The following SMOC2 variants were observed in gnomAD, a reference collection of about 807,000 sequenced individuals.
SMOC2 encodes SPARC related modular calcium binding 2, also known as SPARC-related modular calcium-binding protein 2.
A neutral mutation model predicts 61.4 loss-of-function variants in SMOC2; 39 were observed. The ratio of observed to expected loss-of-function variants is 0.64; its 90% CI spans 0.49 to 0.83. The LOEUF (loss-of-function observed/expected upper bound fraction) is 0.83. SMOC2 is among the 40% of genes least tolerant of loss of function. The pLI is 0.00. For synonymous variants in SMOC2, 247 were observed against 239.9 expected (o/e 1.03, Z -0.27); for missense variants, 556 against 592.9 (o/e 0.94, Z 0.65).
chr6:168,534,736 T>C (rs1024620678), intron 4 of SMOC2, among the ~76,000 whole-genome samples: 1 of 152,336 alleles, frequency 6.6e-6, no homozygotes, highest in Admixed American at 6.5e-5. Flanking sequence ...TACTTTAGTG[T>C]ACATTTAATT....
intron 1 of SMOC2, among the ~76,000 whole-genome samples, chr6:168,496,893 G>T (rs1782603448): frequency 6.6e-6 from 1 of 152,256 alleles, no homozygotes; most frequent in African/African-American, 2.4e-5. Context: ...AAAATTCAAA[G>T]AATCTGTTTT....
intron 4 of SMOC2, among the ~76,000 whole-genome samples, chr6:168,529,349 G>C (rs1783530616): frequency 6.6e-6 from 1 of 152,198 alleles, no homozygotes; most frequent in African/African-American, 2.4e-5. Flanking sequence ...GAGATGAAAA[G>C]CTTCGATGCC....
chr6:168,518,487 GTGAGTGTGCA>G (rs1783208455), intron 2 of SMOC2, among the ~76,000 whole-genome samples: 1 of 78,316 alleles, frequency 1.3e-5, no homozygotes, highest in Non-Finnish European at 3.9e-5. Flanking sequence ...GTGTACATAT[GTGAGTGTGCA>G]TGTGTGAATG....
chr6:168,610,960 T>A (rs6926582), intron 9 of SMOC2, among the ~76,000 whole-genome samples: 29,281 of 152,194 alleles, frequency 0.19, 2,960 homozygotes, highest in South Asian at 0.28. Flanking sequence ...AACCAGATCT[T>A]CTTAAACCAG....
chr6:168,519,822 C>T (rs558774907), intron 2 of SMOC2, among the ~76,000 whole-genome samples: 1 of 152,264 alleles, frequency 6.6e-6, no homozygotes, highest in East Asian at 1.9e-4. Context: ...TCTGTGGTTT[C>T]TTGTATAAAT....
chr6:168,514,998 C>T (rs965670176), intron 2 of SMOC2, among the ~76,000 whole-genome samples: 1 of 152,148 alleles, frequency 6.6e-6, no homozygotes, highest in Non-Finnish European at 1.5e-5. Flanking sequence ...GCTGCAGGGT[C>T]ACAGTGACAT....
chr6:168,608,350 T>G, intron 9 of SMOC2, 111 bp downstream of exon 9: 1 of 1,228,078 alleles, frequency 8.1e-7, no homozygotes, highest in Admixed American at 2.2e-5. Flanking sequence ...GGGGCCTGTC[T>G]GACTCTGAGG....
chr6:168,584,751 A>G (rs1157225764), intron 7 of SMOC2, among the ~76,000 whole-genome samples: 1 of 152,112 alleles, frequency 6.6e-6, no homozygotes, highest in Non-Finnish European at 1.5e-5. Flanking sequence ...GTAGACATAG[A>G]TGTTGTTTAT....
At chr6:168,664,969 C>T (rs967200641) in intron 12 of SMOC2, 11 of 359,388 alleles carry the variant, frequency 3.1e-5, no homozygotes, top group South Asian at 8.5e-5. Context: ...TAAGTGGAGG[C>T]GGCCAGCACA....
intron 1 of SMOC2, among the ~76,000 whole-genome samples, chr6:168,480,749 C>CT (rs1419719493): frequency 3.3e-5 from 5 of 151,968 alleles, no homozygotes; most frequent in South Asian, 4.1e-4. Context: ...TCAATGTACT[C>CT]TAAGAAAGTC....
intron 7 of SMOC2, among the ~76,000 whole-genome samples, chr6:168,563,464 T>A (rs1278070322): frequency 6.6e-6 from 1 of 152,144 alleles, no homozygotes; most frequent in Non-Finnish European, 1.5e-5. Flanking sequence ...CACACACATA[T>A]AAACTTTCTT....
intron 7 of SMOC2, among the ~76,000 whole-genome samples, chr6:168,592,338 TCCGAGCTCCTCCTCCTTC>T (rs1785204688): frequency 1.8e-5 from 2 of 108,732 alleles, no homozygotes; most frequent in Non-Finnish European, 2.0e-5. Context: ...CTAGAGGATC[TCCGAGCTCCTCCTCCTTC>T]CTGAGGCCTC....
chr6:168,513,996 C>T (rs1417098698), intron 2 of SMOC2, among the ~76,000 whole-genome samples: 1 of 151,674 alleles, frequency 6.6e-6, no homozygotes, highest in African/African-American at 2.4e-5. Context: ...GGACACCTCC[C>T]TCCACACAAG....
At position 168,584,681 on chromosome 6, in the gene SMOC2, AT is replaced by A. The variant is rs1446321663; in HGVS notation, c.638-14133del. ...TGTTGCCAATTAAAATGTGAGCAAT[AT>A]TTTCTCATCTCTTAGAATTCCTATT... On this transcript the variant is annotated intron_variant, in intron 7 of 12. Transcript: ENST00000356284. 3.3e-5 allele frequency among the ~76,000 whole-genome samples: 5 copies of A among 152,206 alleles called. No individual in the cohort carries two copies. The East Asian group carries it at 9.7e-4, about 29-fold the overall frequency.
intron 9 of SMOC2, among the ~76,000 whole-genome samples, chr6:168,629,352 C>G (rs62423399): frequency 6.6e-6 from 1 of 152,126 alleles, no homozygotes; most frequent in Non-Finnish European, 1.5e-5. Flanking sequence ...CCCCAGAAAC[C>G]CCATTCATCG....
chr6:168,597,947 A>G (rs1785373403), intron 7 of SMOC2, among the ~76,000 whole-genome samples: 1 of 152,264 alleles, frequency 6.6e-6, no homozygotes, highest in African/African-American at 2.4e-5. Context: ...TAAACAAAGG[A>G]GAAACTGAGT....
At chr6:168,562,498 T>C (rs1784443742) in intron 7 of SMOC2, among the ~76,000 whole-genome samples, 1 of 151,728 alleles carries the variant, frequency 6.6e-6, no homozygotes, top group African/African-American at 2.4e-5. Context: ...CTGACTGCGT[T>C]TTCGGAGGAG....
chr6:168,480,999 T>TAAGG lies in SMOC2; in HGVS notation c.85-28913_85-28910dup, dbSNP rs141905689. On this transcript the variant is annotated intron_variant, in intron 1 of 12. Transcript: ENST00000356284. Reference sequence around the variant, plus strand: ...CTCCAGCAAAGCTGTTCTTCAAAAGTAAGGAACAGTTCAAAAATTAAGATA... The same window carrying TAAGG: ...CTCCAGCAAAGCTGTTCTTCAAAAGTAAGGAAGGAACAGTTCAAAAATTAAGATA... Among the ~76,000 whole-genome samples, 634 of 152,220 alleles carry TAAGG rather than the reference T, an allele frequency of 4.2e-3. 7 individuals are homozygous for TAAGG. Among genetic ancestry groups the TAAGG allele is most frequent in the African/African-American group, 0.014 (595 of 41,538 alleles).
intron 7 of SMOC2, among the ~76,000 whole-genome samples, chr6:168,554,631 C>T (rs1784205207): frequency 2.0e-5 from 3 of 152,218 alleles, no homozygotes; most frequent in South Asian, 2.1e-4. Context: ...CAAGGCCAGA[C>T]GTGGGACCAC....
Sources: allele counts gnomAD v4.1 joint callset (sites outside exome capture counted in the v4.1 genomes callset), GRCh38; gene constraint gnomAD v4.1.1; transcripts MANE v1.5; gene names NCBI Gene and HGNC (gene_info 2026-07-23, HGNC 2026-07-21).